The following MBD5 variants were observed in gnomAD, a reference collection of about 807,000 sequenced individuals.
MBD5 encodes methyl-CpG binding domain protein 5.
In MBD5, 13 loss-of-function variants were observed where a neutral mutation model predicts 117.3. The observed-to-expected ratio is 0.11, with a 90% CI of 0.07 to 0.18. MBD5 has a LOEUF of 0.18. Ranked by LOEUF, MBD5 falls within the 10% of genes least tolerant of loss-of-function variation. MBD5 has a pLI of 1.00. For synonymous variants in MBD5, 727 were observed against 766.4 expected, an observed-to-expected ratio of 0.95 and a Z score of 0.85; for missense variants, 1,879 against 2,093.8, an observed-to-expected ratio of 0.90 and a Z score of 2.00.
chr2:148,125,944 G>T (rs1696878735), intron 1 of MBD5, among the ~76,000 whole-genome samples: 1 of 152,198 alleles, frequency 6.6e-6, no homozygotes, highest in African/African-American at 2.4e-5. Flanking sequence ...AGAGTCCCAT[G>T]ATTAGCTTAG....
intron 3 of MBD5, among the ~76,000 whole-genome samples, chr2:148,260,221 A>C (rs114224306): frequency 0.011 from 1,668 of 152,306 alleles, 20 homozygotes; most frequent in African/African-American, 0.037. Context: ...TGCTTTATCT[A>C]CTAAGTTTCT....
intron 4 of MBD5, among the ~76,000 whole-genome samples, chr2:148,402,145 T>A (rs1046464480): frequency 6.6e-6 from 1 of 152,136 alleles, no homozygotes; most frequent in Admixed American, 6.5e-5. Flanking sequence ...ATTTTCCCCC[T>A]TTGTCATTAA....
intron 3 of MBD5, among the ~76,000 whole-genome samples, chr2:148,323,678 C>T (rs537645271): frequency 0.02 from 3,056 of 152,186 alleles, 114 homozygotes; most frequent in African/African-American, 0.07. Flanking sequence ...CCTTTGCCCA[C>T]TTTTTGATGG....
At chr2:148,264,571 A>G (rs901141579) in intron 3 of MBD5, 1 of 152,188 alleles carries the variant, frequency 6.6e-6, no homozygotes, top group Non-Finnish European at 1.5e-5. Flanking sequence ...CAGAATTCTT[A>G]GTTTTAAACA....
intron 1 of MBD5, among the ~76,000 whole-genome samples, chr2:148,034,391 G>A (rs914005408): frequency 6.6e-6 from 1 of 152,176 alleles, no homozygotes; most frequent in Middle Eastern, 3.4e-3. Flanking sequence ...TAACTTAATA[G>A]GTATGATTAT....
intron 2 of MBD5, among the ~76,000 whole-genome samples, chr2:148,180,445 T>A (rs898679806): frequency 2.0e-5 from 3 of 150,830 alleles, no homozygotes; most frequent in Non-Finnish European, 2.9e-5. Context: ...CCAGCAATCC[T>A]CCCACCTCAG....
chr2:148,227,875 A>C (rs554513245), intron 2 of MBD5, among the ~76,000 whole-genome samples: 58 of 152,294 alleles, frequency 3.8e-4, no homozygotes, highest in African/African-American at 1.3e-3. Context: ...TCTTTGAAGC[A>C]ATTATGAATG....
intron 4 of MBD5, among the ~76,000 whole-genome samples, chr2:148,451,960 CTG>C (rs1372505336): frequency 3.3e-5 from 5 of 152,142 alleles, no homozygotes; most frequent in African/African-American, 1.2e-4. Context: ...TTCTGTCCCA[CTG>C]TGTCTCCCAG....
chr2:148,116,825 A>G (rs2105378410), intron 1 of MBD5, among the ~76,000 whole-genome samples: 1 of 152,240 alleles, frequency 6.6e-6, no homozygotes, highest in East Asian at 1.9e-4. Context: ...GTAGGTCTCC[A>G]CTAATAGTAT....
intron 1 of MBD5, among the ~76,000 whole-genome samples, chr2:148,162,172 A>G (rs766139896): frequency 1.2e-4 from 19 of 152,352 alleles, no homozygotes; most frequent in Middle Eastern, 3.4e-3. Flanking sequence ...TACTTAGCCA[A>G]TTCTAAGGCA....
At chr2:148,343,144 A>G (rs1010939946) in intron 4 of MBD5, among the ~76,000 whole-genome samples, 1 of 152,114 alleles carries the variant, frequency 6.6e-6, no homozygotes, top group South Asian at 2.1e-4. Context: ...TCCATGGTGT[A>G]TATGTACCAC....
intron 1 of MBD5, among the ~76,000 whole-genome samples, chr2:148,128,142 T>C (rs1696947245): frequency 1.3e-5 from 2 of 152,174 alleles, no homozygotes; most frequent in African/African-American, 4.8e-5. Flanking sequence ...CCTTGTCAGA[T>C]GGATAGATTG....
intron 4 of MBD5, among the ~76,000 whole-genome samples, chr2:148,451,107 T>A (rs1706714082): frequency 6.6e-6 from 1 of 152,156 alleles, no homozygotes; most frequent in Non-Finnish European, 1.5e-5. Flanking sequence ...ATCTCTCTAA[T>A]GAGTGGCAGG....
At chr2:148,342,419 A>G (rs1489614816) in intron 4 of MBD5, 83 bp downstream of exon 4, 2 of 152,028 alleles carry the variant, frequency 1.3e-5, no homozygotes, top group Non-Finnish European at 2.9e-5. Flanking sequence ...AAATATGGGA[A>G]GTGTCTGACA....
chr2:148,207,465 AC>A (rs933471893), intron 2 of MBD5, among the ~76,000 whole-genome samples: 112 of 150,958 alleles, frequency 7.4e-4, no homozygotes, highest in African/African-American at 2.5e-3. Context: ...CAAAAAAAAA[AC>A]CCTTAAAAAT....
chr2:148,161,214 G>C (rs569855405), intron 1 of MBD5, among the ~76,000 whole-genome samples: 2 of 152,242 alleles, frequency 1.3e-5, no homozygotes, highest in South Asian at 4.2e-4. Context: ...CCTATCTTAG[G>C]CTTAACCATC....
intron 1 of MBD5, among the ~76,000 whole-genome samples, chr2:148,128,200 G>C (rs1170563808): frequency 2.0e-5 from 3 of 152,064 alleles, no homozygotes; most frequent in East Asian, 1.9e-4. Flanking sequence ...TCTGATAATA[G>C]TTTCTTTTGC....
chr2:148,381,029 G>A (rs2105435196), intron 4 of MBD5, among the ~76,000 whole-genome samples: 1 of 152,252 alleles, frequency 6.6e-6, no homozygotes, highest in East Asian at 1.9e-4. Context: ...AAAAAACAGA[G>A]CAGAAAAACC....
Position 148,516,913 on chromosome 2 carries a change from G to A in MBD5, c.*3972G>A, listed in dbSNP as rs1682354049. 6.6e-6 allele frequency: 1 copy of A among 152,192 alleles called. No homozygotes were observed. Among genetic ancestry groups the A allele is most frequent in the South Asian group, 2.1e-4 (1 of 4,828 alleles). The allele number at this position is 152,192 out of a possible 1,614,324, so 9.4% of individuals were successfully genotyped here. On this transcript the variant is annotated 3_prime_UTR_variant, in exon 14 of 14. Transcript: ENST00000642680. ...CCAGATGGCTTCATAATATACAAAT[G>A]TGTTTTGTAACATCATGCCTTTATG...
Sources: gnomAD v4.1 joint callset for allele counts (sites outside exome capture counted in the v4.1 genomes callset) on GRCh38, gnomAD v4.1.1 for gene constraint, MANE v1.5 for transcripts, NCBI Gene and HGNC (gene_info 2026-07-23, HGNC 2026-07-21) for gene names.